PCCA: variants seen among roughly 807,000 people sequenced by gnomAD.
PCCA encodes propionyl-CoA carboxylase alpha chain, mitochondrial.
Under a neutral mutation model 101.3 loss-of-function variants are expected in PCCA, and 74 were observed. The observed-to-expected ratio is 0.73, with a 90% CI of 0.61 to 0.89. The LOEUF (loss-of-function observed/expected upper bound fraction) is 0.89, where lower values mean the gene tolerates loss of function less well. Among genes scored for constraint, PCCA ranks in the 40% least tolerant of loss-of-function variants. PCCA has a pLI of 0.00. For synonymous variants in PCCA, 294 were observed against 313.6 expected, an observed-to-expected ratio of 0.94 and a Z score of 0.66; for missense variants, 891 against 907.0, an observed-to-expected ratio of 0.98 and a Z score of 0.23.
chr13:100,293,759 A>G (rs1001127054), intron 12 of PCCA, among the ~76,000 whole-genome samples: 1 of 152,182 alleles, frequency 6.6e-6, no homozygotes, highest in Non-Finnish European at 1.5e-5. Context: ...GAAACTGAGG[A>G]TAGAAGGTAG....
chr13:100,470,427 C>G (rs1242870091), intron 21 of PCCA, among the ~76,000 whole-genome samples: 1 of 152,140 alleles, frequency 6.6e-6, no homozygotes, highest in African/African-American at 2.4e-5. Flanking sequence ...ACATTGGCAG[C>G]TGCCTCGTCT....
In PCCA at chr13:100,110,735, T is replaced by A. The variant is rs568388015; in HGVS notation, c.184-1106T>A. 4.6e-5 allele frequency among the ~76,000 whole-genome samples: 7 copies of A among 152,344 alleles called. No homozygotes were observed. The East Asian group carries it at 1.2e-3, about 25-fold the overall frequency. On this transcript the variant is annotated intron_variant, in intron 2 of 23. Transcript: ENST00000376285. ...CAGACTTCCCTTTGAAAACAACTCA[T>A]GACACTTAGAATTTCCCAGAATTTA...
At chr13:100,514,018 C>G (rs971972449) in intron 21 of PCCA, among the ~76,000 whole-genome samples, 2 of 152,218 alleles carry the variant, frequency 1.3e-5, no homozygotes, top group Non-Finnish European at 2.9e-5. Flanking sequence ...AATAGTCCCT[C>G]TGCCCAGAAT....
intron 21 of PCCA, among the ~76,000 whole-genome samples, chr13:100,467,465 G>A (rs945905667): frequency 2.6e-5 from 4 of 152,138 alleles, no homozygotes; most frequent in African/African-American, 7.2e-5. Context: ...TCTGCCTCCC[G>A]GGTTCAAGCT....
intron 20 of PCCA, among the ~76,000 whole-genome samples, chr13:100,434,116 A>T (rs1189622125): frequency 6.6e-6 from 1 of 152,200 alleles, no homozygotes; most frequent in Non-Finnish European, 1.5e-5. Context: ...ATCTGGGATG[A>T]CGGTCTTATG....
At chr13:100,164,893 T>A (rs1285038869) in intron 6 of PCCA, among the ~76,000 whole-genome samples, 2 of 152,232 alleles carry the variant, frequency 1.3e-5, no homozygotes, top group African/African-American at 2.4e-5. Context: ...ACTTTCTGTC[T>A]CTGTGAGTTT....
intron 6 of PCCA, among the ~76,000 whole-genome samples, chr13:100,188,294 AAAAAC>A (rs60307671): frequency 0.032 from 4,714 of 146,990 alleles, 238 homozygotes; most frequent in African/African-American, 0.11. Flanking sequence ...TCTGTCTCAA[AAAAAC>A]AAAACAAAAC....
intron 4 of PCCA, among the ~76,000 whole-genome samples, chr13:100,117,850 C>T (rs1241216511): frequency 6.6e-6 from 1 of 152,068 alleles, no homozygotes; most frequent in Non-Finnish European, 1.5e-5. Context: ...GGCGTAGTGG[C>T]TCACGCCTGT....
At chr13:100,396,092 A>C (rs2077034191) in intron 19 of PCCA, among the ~76,000 whole-genome samples, 1 of 152,228 alleles carries the variant, frequency 6.6e-6, no homozygotes, top group Non-Finnish European at 1.5e-5. Context: ...TGAAAACAAT[A>C]GTCTCTGAAG....
intron 6 of PCCA, among the ~76,000 whole-genome samples, chr13:100,204,047 C>G (rs2058702681): frequency 6.6e-6 from 1 of 152,138 alleles, no homozygotes; most frequent in Non-Finnish European, 1.5e-5. Context: ...GCCTTTTCTA[C>G]CAGAAACACT....
At chr13:100,291,908 A>G (rs533145287) in intron 12 of PCCA, among the ~76,000 whole-genome samples, 1 of 152,294 alleles carries the variant, frequency 6.6e-6, no homozygotes, top group East Asian at 1.9e-4. Flanking sequence ...GAGTTCTCTG[A>G]AGCTAGTCTC....
At chr13:100,238,667 G>C (rs1421870228) in intron 8 of PCCA, among the ~76,000 whole-genome samples, 3 of 152,152 alleles carry the variant, frequency 2.0e-5, no homozygotes, top group Admixed American at 2.0e-4. Context: ...AATCTCTTCT[G>C]AATCACCTCA....
Position 100,206,640 on chromosome 13 carries a change from A to G in PCCA, c.469-2692A>G, listed in dbSNP as rs1040964251. On this transcript the variant is annotated intron_variant, in intron 6 of 23. Coordinates refer to ENST00000376285, the MANE Select transcript of PCCA (RefSeq NM_000282.4). ...TGTGGCACTCAACTTGGTGCTTTAT[A>G]TTATTATTGATGGGGTTTAGGACAT... is the stretch of plus-strand genomic sequence containing the variant. Among the ~76,000 whole-genome samples, 6 of 152,218 alleles carry G rather than the reference A, an allele frequency of 3.9e-5. 1 individual carries two copies. In the East Asian group the frequency reaches 9.7e-4, roughly 25 times the overall value.
intron 1 of PCCA, among the ~76,000 whole-genome samples, chr13:100,100,996 T>C (rs2152243647): frequency 6.6e-6 from 1 of 152,040 alleles, no homozygotes; most frequent in South Asian, 2.1e-4. Context: ...AGAGATGGGG[T>C]TTCTCCATGT....
chr13:100,275,163 G>A (rs535985243), intron 12 of PCCA, among the ~76,000 whole-genome samples: 1 of 152,224 alleles, frequency 6.6e-6, no homozygotes, highest in East Asian at 1.9e-4. Flanking sequence ...TGGGATTTCT[G>A]CATGCCTGCT....
intron 1 of PCCA, among the ~76,000 whole-genome samples, chr13:100,093,930 C>T (rs965819928): frequency 2.0e-5 from 3 of 151,634 alleles, no homozygotes; most frequent in South Asian, 2.1e-4. Flanking sequence ...CACAGCAAGA[C>T]CCTGTCTCAA....
chr13:100,313,518 C>T (rs1485952621), intron 16 of PCCA, among the ~76,000 whole-genome samples: 1 of 152,078 alleles, frequency 6.6e-6, no homozygotes, highest in Non-Finnish European at 1.5e-5. Context: ...GCAGGGTCTT[C>T]TTGCTACCTT....
At chr13:100,283,644 C>A (rs2064324675) in intron 12 of PCCA, among the ~76,000 whole-genome samples, 1 of 152,102 alleles carries the variant, frequency 6.6e-6, no homozygotes. Flanking sequence ...CATTATTAAA[C>A]CTGGCAACCT....
intron 21 of PCCA, among the ~76,000 whole-genome samples, chr13:100,483,689 T>C (rs2084138758): frequency 3.9e-5 from 6 of 152,230 alleles, no homozygotes. Flanking sequence ...AAGTGAGAAA[T>C]GCAATCGGTA....
Sources: allele counts gnomAD v4.1 joint callset (sites outside exome capture counted in the v4.1 genomes callset), GRCh38; gene constraint gnomAD v4.1.1; transcripts MANE v1.5; gene names NCBI Gene and HGNC (gene_info 2026-07-23, HGNC 2026-07-21).